The following USP40 variants were observed in gnomAD, a reference collection of about 807,000 sequenced individuals.
USP40 encodes ubiquitin specific peptidase 40, also known as ubiquitin carboxyl-terminal hydrolase 40.
A neutral mutation model predicts 166.2 loss-of-function variants in USP40; 143 were observed. That is an observed-to-expected ratio of 0.86 (90% CI 0.75 to 0.99). USP40 has a LOEUF of 0.99. Among genes scored for constraint, USP40 ranks in the 50% least tolerant of loss-of-function variants. USP40 has a pLI of 0.00. For synonymous variants in USP40, 498 were observed against 524.0 expected (o/e 0.95, Z 0.68); for missense variants, 1,444 against 1,479.7 (o/e 0.98, Z 0.40).
intron 18 of USP40, among the ~76,000 whole-genome samples, chr2:233,516,878 G>T (rs2067237068): frequency 6.7e-6 from 1 of 149,296 alleles, no homozygotes; most frequent in Non-Finnish European, 1.5e-5. Context: ...AAAAAAAAAA[G>T]AATATTGTGT....
intron 22 of USP40, among the ~76,000 whole-genome samples, 176 bp downstream of exon 22, chr2:233,499,703 C>T (rs983598663): frequency 3.3e-5 from 5 of 152,134 alleles, no homozygotes; most frequent in Non-Finnish European, 5.9e-5. Context: ...CATTAGTTTT[C>T]TTTCAGCATG....
rs2064523140 is a variant in USP40 at position 233,480,752 on chromosome 2, G to A, written c.3599+451C>T. The stretch of plus-strand genomic sequence containing the variant: ...GTGGGGTAGCAGCCCTGAAGCCACA[G>A]CAGCGTCCCCTGGAGTGGCCAGGCT... On this transcript the variant is annotated intron_variant, in intron 31 of 31. Coordinates refer to ENST00000678225, the MANE Select transcript of USP40 (RefSeq NM_001365479.2). This position sits in a 1 kb window ranked among gnomAD's most constrained non-coding sequence, Gnocchi z 4.5. Among the ~76,000 whole-genome samples the A allele has an allele frequency of 6.6e-6, 1 of 152,222 alleles. No individual in the cohort carries two copies. The highest frequency in any genetic ancestry group is 2.4e-5 in the African/African-American group (1 of 41,454).
At chr2:233,483,853 T>C (rs575956747) in intron 30 of USP40, among the ~76,000 whole-genome samples, 4 of 152,378 alleles carry the variant, frequency 2.6e-5, no homozygotes, top group Admixed American at 2.0e-4. Flanking sequence ...TTTAGGGTTA[T>C]GAAAATTAAT....
At chr2:233,519,495 T>C in intron 18 of USP40, 119 bp downstream of exon 18, 1 of 605,456 alleles carries the variant, frequency 1.7e-6, no homozygotes, top group Non-Finnish European at 2.9e-6. Context: ...ATTTGTCCAT[T>C]TTGGGTGGTA....
intron 6 of USP40, 52 bp from the exon 7 acceptor site, chr2:233,551,571 GATAC>G (rs1198777235): frequency 8.0e-6 from 12 of 1,498,064 alleles, no homozygotes; most frequent in Non-Finnish European, 1.1e-5. Context: ...TATATAAAAG[GATAC>G]ATAATGTTTC....
Position 233,556,937 on chromosome 2 carries a change from T to C in USP40, c.464A>G (p.His155Arg), listed in dbSNP as rs748776669. Residue 155 changes from histidine (H) to arginine (R), a missense_variant, in exon 5 of 32, where the codon CAT becomes CGT. Transcript: ENST00000678225. ...ATGGTACAGACGATAGATGAGGTCA[T>C]GACCGGAGGTCCCAACTAAAGAAGT... is the stretch of plus-strand genomic sequence containing the variant. The part of the protein sequence containing the change: ...LETSLVGTSG[H>R]DLIYRLYHGT... 4 of 1,613,896 alleles carry C rather than the reference T, an allele frequency of 2.5e-6. No homozygotes were observed. Among genetic ancestry groups the C allele is most frequent in the African/African-American group, 2.7e-5 (2 of 74,956 alleles).
Position 233,521,103 on chromosome 2 carries a change from T to A in USP40, c.2213A>T (p.Lys738Met). The A allele has an allele frequency of 1.2e-6, 2 of 1,611,482 alleles. No individual in the cohort carries two copies. The highest frequency in any genetic ancestry group is 1.7e-5 in the Admixed American group (1 of 59,400). Reference sequence around the variant, plus strand: ...CATACTAGTGACCCATTTCTCTTCCTTGGTCAACAAGCTGTAGGTAAAAAG... The same window carrying A: ...CATACTAGTGACCCATTTCTCTTCCATGGTCAACAAGCTGTAGGTAAAAAG... The part of the protein sequence containing the change: ...DSHDDNSLLT[K>M]EEKWVTSMNE... Residue 738 changes from lysine (K) to methionine (M), a missense_variant, in exon 17 of 32, where the codon AAG (lysine) becomes ATG (methionine). By Grantham distance (95) the Lys-to-Met change is moderately conservative. Transcript: ENST00000678225.
At chr2:233,479,936 C>T (rs1004567972) in intron 31 of USP40, among the ~76,000 whole-genome samples, 1 of 151,278 alleles carries the variant, frequency 6.6e-6, no homozygotes, top group African/African-American at 2.4e-5. Context: ...TCACACAGTC[C>T]CTACCCACCT....
chr2:233,495,000 T>TAAAC (rs2065662636), intron 24 of USP40, among the ~76,000 whole-genome samples: 1 of 114,170 alleles, frequency 8.8e-6, no homozygotes. Context: ...AAAAAATAAA[T>TAAAC]AAATAAATAA....
chr2:233,556,289 T>C (rs2071088398), intron 5 of USP40, among the ~76,000 whole-genome samples: 1 of 94,032 alleles, frequency 1.1e-5, no homozygotes, highest in Non-Finnish European at 2.8e-5. Flanking sequence ...AAATTTCCAA[T>C]TTCTAATTTC....
chr2:233,516,900 T>C (rs1053660579), intron 18 of USP40, among the ~76,000 whole-genome samples: 1 of 151,942 alleles, frequency 6.6e-6, no homozygotes, highest in Non-Finnish European at 1.5e-5. Context: ...GTCTGATTTG[T>C]GAATGTTGTA....
Position 233,482,813 on chromosome 2 carries a change from C to T in USP40, c.3505-1516G>A, listed in dbSNP as rs146127831. ...CCTCCCAGAGCGTTGGGATTACAGGCGTGAGCCACTGCGCCTGGCCATGTG... is the reference window on the plus strand; with the variant it reads ...CCTCCCAGAGCGTTGGGATTACAGGTGTGAGCCACTGCGCCTGGCCATGTG... On this transcript the variant is annotated intron_variant, in intron 30 of 31. Transcript: ENST00000678225. Among the ~76,000 whole-genome samples, 978 of 152,228 alleles carry T rather than the reference C, an allele frequency of 6.4e-3. 5 individuals carry two copies. The highest frequency in any genetic ancestry group is 0.022 in the African/African-American group (925 of 41,544).
At chr2:233,498,398 A>G (rs1018762769) in intron 23 of USP40, 150 bp downstream of exon 23, 2 of 676,384 alleles carry the variant, frequency 3.0e-6, no homozygotes, top group Non-Finnish European at 4.9e-6. Flanking sequence ...AAAAAACTAT[A>G]GTAAGAAAAA....
rs1239358425 is a variant in USP40, at chr2:233,475,847, C to T, written c.*1545G>A. On this transcript the variant is annotated 3_prime_UTR_variant, in exon 32 of 32. Transcript: ENST00000678225. ...AGTTAAAGCCACAGAAACAGAACAG[C>T]TTAAGAAGGGCTGGGCGCCCAGCTC... 2 of 152,416 alleles carry T rather than the reference C, an allele frequency of 1.3e-5. No individual in the cohort carries two copies. Among genetic ancestry groups the T allele is most frequent in the Non-Finnish European group, 2.9e-5 (2 of 68,070 alleles). 9.4% of individuals were successfully genotyped at this position (152,416 alleles called of 1,614,324 possible).
intron 18 of USP40, 142 bp downstream of exon 18, chr2:233,519,472 A>G (rs181099235): frequency 2.4e-4 from 139 of 574,234 alleles, no homozygotes; most frequent in Admixed American, 1.0e-3. Context: ...CAAACATATG[A>G]CAAAATGTTA....
intron 30 of USP40, among the ~76,000 whole-genome samples, chr2:233,482,610 A>C (rs1284031025): frequency 7.9e-6 from 1 of 126,116 alleles, no homozygotes; most frequent in African/African-American, 3.3e-5. Context: ...TTTTTTTTTG[A>C]CACACGGTCT....
rs180840213 is a variant in USP40, at chr2:233,493,264, A to G, written c.2917+161T>C. On this transcript the variant is annotated intron_variant, in intron 25 of 31. Transcript: ENST00000678225. This position sits in a 1 kb window ranked among gnomAD's most constrained non-coding sequence, Gnocchi z 4.7. ...GCACGTACAGAAATGGCACAGTGTTATTATTATGTGATGTCTGGAATGACT... is the reference window on the plus strand; with the variant it reads ...GCACGTACAGAAATGGCACAGTGTTGTTATTATGTGATGTCTGGAATGACT... 3 of 967,056 alleles carry G rather than the reference A, an allele frequency of 3.1e-6. No homozygotes were observed. The highest frequency in any genetic ancestry group is 5.2e-5 in the East Asian group (2 of 38,232). 59.9% of individuals were successfully genotyped at this position (967,056 alleles called of 1,614,324 possible).
At position 233,480,354 on chromosome 2, in the gene USP40, C is replaced by T. The variant is rs542852497; in HGVS notation, c.3599+849G>A. On this transcript the variant is annotated intron_variant, in intron 31 of 31. Transcript: ENST00000678225. This position sits in a 1 kb window ranked among gnomAD's most constrained non-coding sequence, Gnocchi z 4.5. ...GCAGATTTAGGAGAGACCCAGAGTCCGTGAGTCGGGGAGTGGGGGAGGATG... is the reference window on the plus strand; with the variant it reads ...GCAGATTTAGGAGAGACCCAGAGTCTGTGAGTCGGGGAGTGGGGGAGGATG... 5.9e-5 allele frequency among the ~76,000 whole-genome samples: 9 copies of T among 152,304 alleles called. No homozygotes were observed. Among genetic ancestry groups the T allele is most frequent in the South Asian group, 2.1e-4 (1 of 4,816 alleles).
In USP40 at chr2:233,493,851, G is replaced by A. The variant is rs144559857; in HGVS notation, c.2791-300C>T. On this transcript the variant is annotated intron_variant, in intron 24 of 31. Transcript: ENST00000678225. This position sits in a 1 kb window ranked among gnomAD's most constrained non-coding sequence, Gnocchi z 4.7. ...ATTTGCTTGAACACACTATACCAGC[G>A]TTTCCAGGCGCTGTCCAAGCACTGC... is the stretch of plus-strand genomic sequence containing the variant. Among the ~76,000 whole-genome samples, 41 of 152,246 alleles carry A rather than the reference G, an allele frequency of 2.7e-4. 1 individual carries two copies. The East Asian group carries it at 7.5e-3, about 28-fold the overall frequency.
Sources: allele counts gnomAD v4.1 joint callset (sites outside exome capture counted in the v4.1 genomes callset), GRCh38; gene constraint gnomAD v4.1.1; non-coding constraint Gnocchi (gnomAD v3.1); transcripts MANE v1.5; gene names NCBI Gene and HGNC (gene_info 2026-07-23, HGNC 2026-07-21).